Variants in ALS2 observed in about 807,000 individuals in gnomAD.
The protein encoded by ALS2 is alsin Rho guanine nucleotide exchange factor ALS2, also known as alsin.
A neutral mutation model predicts 203.4 loss-of-function variants in ALS2; 117 were observed. That is an observed-to-expected ratio of 0.58 (90% CI 0.50 to 0.67). The LOEUF is 0.67. Ranked by LOEUF, ALS2 falls within the 30% of genes least tolerant of loss-of-function variation. The pLI is 0.00. For synonymous variants in ALS2, 718 were observed against 725.9 expected, an observed-to-expected ratio of 0.99 and a Z score of 0.17; for missense variants, 1,715 against 1,989.4, an observed-to-expected ratio of 0.86 and a Z score of 2.62.
chr2:201,745,425 T>TA (rs1199919531), intron 9 of ALS2, among the ~76,000 whole-genome samples: 93 of 144,656 alleles, frequency 6.4e-4, no homozygotes, highest in South Asian at 2.2e-3. Context: ...ACACAAAGAC[T>TA]AAAAAAAAAA....
rs1482836468 is a variant in ALS2, at chr2:201,757,685, C to T, written c.1188G>A (p.Val396=). ...CACCAACAGCAGATGCACAAGAGAC[C>T]ACCAGGCTGTTTAGGGCTGAGGTGC... ...TTSTSALNSL[V]VSCASAVGVR... The change falls in exon 5 of 34, where the codon GTG becomes GTA. Residue 396 remains valine, a synonymous_variant. Coordinates refer to ENST00000264276, the MANE Select transcript of ALS2 (RefSeq NM_020919.4). The T allele has an allele frequency of 6.2e-7, 1 of 1,613,950 alleles. No homozygotes were observed. Among genetic ancestry groups the T allele is most frequent in the Non-Finnish European group, 8.5e-7 (1 of 1,180,000 alleles).
intron 25 of ALS2, among the ~76,000 whole-genome samples, chr2:201,713,133 CTTTTTTTTT>C (rs35807671): frequency 1.0e-5 from 1 of 96,256 alleles, no homozygotes; most frequent in Admixed American, 1.4e-4. Flanking sequence ...CTTTTCTTTT[CTTTTTTTTT>C]TTTTTTTTTT....
chr2:201,771,378 G>A (rs371375831), intron 1 of ALS2, among the ~76,000 whole-genome samples: 57 of 152,090 alleles, frequency 3.7e-4, no homozygotes, highest in African/African-American at 1.3e-3. Flanking sequence ...TTGTTTTAAT[G>A]GTGTTTAATA....
chr2:201,704,540 C>CT lies in ALS2; in HGVS notation c.4751dup (p.Ser1585GlufsTer16). On this transcript the variant is annotated frameshift_variant, in exon 32 of 34. Transcript: ENST00000264276. LOFTEE classifies it high-confidence loss of function. ...CTTCGTGGAGTGACGCCAGGACACT[C>CT]TGAGAGATCTCCTCAAAAGTCTGCT... 6.2e-7 allele frequency: 1 copy of CT among 1,614,152 alleles called. No homozygotes were observed. Among genetic ancestry groups the CT allele is most frequent in the Non-Finnish European group, 8.5e-7 (1 of 1,180,008 alleles).
At chr2:201,735,706 T>C (rs1291803027) in intron 12 of ALS2, among the ~76,000 whole-genome samples, 3 of 152,192 alleles carry the variant, frequency 2.0e-5, no homozygotes, top group Non-Finnish European at 4.4e-5. Context: ...GTCATCTCAT[T>C]TTTCTGCTCT....
chr2:201,759,951 A>C, intron 4 of ALS2: 1 of 984,366 alleles, frequency 1.0e-6, no homozygotes, highest in Non-Finnish European at 1.2e-6. Context: ...CGGGAACTCA[A>C]ACTTTACCAT....
At chr2:201,777,666 GTTACTA>G (rs1411752706) in intron 1 of ALS2, among the ~76,000 whole-genome samples, 3 of 152,070 alleles carry the variant, frequency 2.0e-5, no homozygotes, top group Non-Finnish European at 2.9e-5. Flanking sequence ...CTCAGAATTA[GTTACTA>G]TTTCTAAAGT....
chr2:201,743,070 CAA>C (rs760707229), intron 10 of ALS2, among the ~76,000 whole-genome samples: 16 of 114,724 alleles, frequency 1.4e-4, no homozygotes, highest in African/African-American at 1.1e-4. Context: ...GACTCTGTCT[CAA>C]AAAAAAAAAA....
chr2:201,721,261 C>G (rs1356846378), intron 23 of ALS2, among the ~76,000 whole-genome samples: 1 of 152,156 alleles, frequency 6.6e-6, no homozygotes, highest in Non-Finnish European at 1.5e-5. Flanking sequence ...AGATTCAATG[C>G]AATCTCTATC....
At chr2:201,719,835 C>T (rs926369902) in intron 23 of ALS2, among the ~76,000 whole-genome samples, 3 of 152,106 alleles carry the variant, frequency 2.0e-5, no homozygotes, top group Non-Finnish European at 2.9e-5. Flanking sequence ...ACTAAGAGAA[C>T]AGCTTTATGC....
intron 3 of ALS2, chr2:201,765,661 A>G (rs990872333): frequency 6.0e-6 from 1 of 166,896 alleles, no homozygotes; most frequent in Non-Finnish European, 1.5e-5. Flanking sequence ...ACAGAGCAGA[A>G]ATTTATAAAT....
chr2:201,744,635 GGTC>G (rs1008299278), intron 9 of ALS2, among the ~76,000 whole-genome samples: 3 of 151,964 alleles, frequency 2.0e-5, no homozygotes, highest in African/African-American at 7.3e-5. Flanking sequence ...TTTTTGGGGG[GGTC>G]GTCGGGGTCG....
chr2:201,715,334 G>A (rs1203636590), intron 25 of ALS2, among the ~76,000 whole-genome samples: 2 of 152,102 alleles, frequency 1.3e-5, no homozygotes, highest in Admixed American at 6.6e-5. Context: ...TTGCTTTCAC[G>A]TTTCAGGCTG....
Position 201,727,777 on chromosome 2 carries a change from T to C in ALS2, c.2842-2A>G, listed in dbSNP as rs2106009582. The C allele has an allele frequency of 1.9e-6, 3 of 1,551,638 alleles. No individual in the cohort carries two copies. Among genetic ancestry groups the C allele is most frequent in the Non-Finnish European group, 2.6e-6 (3 of 1,146,948 alleles). On this transcript the variant is annotated splice_acceptor_variant, in intron 15 of 33. Coordinates refer to ENST00000264276, the MANE Select transcript of ALS2 (RefSeq NM_020919.4). LOFTEE classifies it high-confidence loss of function. Reference sequence around the variant, plus strand: ...AGGGAAAACATGGTGCGTGGAGAACTGAAACAGAGAACACGGAGGCACTTT... The same window carrying C: ...AGGGAAAACATGGTGCGTGGAGAACCGAAACAGAGAACACGGAGGCACTTT...
chr2:201,761,366 C>T lies in ALS2; in HGVS notation c.628G>A (p.Ala210Thr), dbSNP rs200372769. Residue 210 changes from alanine to threonine, a missense_variant, in exon 4 of 34, where the codon GCT becomes ACT. By Grantham distance (58) the Ala-to-Thr change is moderately conservative. Transcript: ENST00000264276. ...GRVVLQVACGAFHSLALVQCL... is the reference protein window; with the variant it reads ...GRVVLQVACGTFHSLALVQCL... The stretch of plus-strand genomic sequence containing the variant: ...TGTACAAGGGCTAAGCTGTGGAAAG[C>T]ACCACAGGCAACTTGAAGCACCACT... 1 of 1,613,100 alleles carries T rather than the reference C, an allele frequency of 6.2e-7. No homozygotes were observed. Among genetic ancestry groups the T allele is most frequent in the Non-Finnish European group, 8.5e-7 (1 of 1,179,084 alleles).
intron 26 of ALS2, 143 bp from the exon 27 acceptor site, chr2:201,710,181 T>TC: frequency 1.1e-6 from 1 of 871,660 alleles, no homozygotes; most frequent in Non-Finnish European, 1.7e-6. Context: ...TCAAATACTT[T>TC]AATTTTTTTG....
intron 3 of ALS2, 133 bp downstream of exon 3, chr2:201,767,096 A>C (rs901833022): frequency 9.8e-7 from 1 of 1,021,018 alleles, no homozygotes; most frequent in Non-Finnish European, 1.4e-6. Context: ...GCATAATAAT[A>C]ATAAAATTTA....
rs766567184 is a variant in ALS2 at position 201,746,592 on chromosome 2, T to C, written c.1972A>G (p.Thr658Ala). Reference protein sequence around the residue: ...NLPENHSGSKTPVLLSCSKLG... With the variant: ...NLPENHSGSKAPVLLSCSKLG... The stretch of plus-strand genomic sequence containing the variant: ...TTACTACAGGAGAGAAGTACTGGAG[T>C]CTTAGAACCACTGTGATTCTCTGGA... The change falls in exon 9 of 34, where the codon ACT becomes GCT. Residue 658 changes from threonine to alanine, a missense_variant. Transcript: ENST00000264276. 5 of 1,613,952 alleles carry C rather than the reference T, an allele frequency of 3.1e-6. No homozygotes were observed. In the East Asian group the frequency reaches 8.9e-5, roughly 29 times the overall value.
chr2:201,730,081 A>C (rs184756991), intron 13 of ALS2, among the ~76,000 whole-genome samples: 1 of 152,294 alleles, frequency 6.6e-6, no homozygotes, highest in African/African-American at 2.4e-5. Context: ...TCTGGAATAG[A>C]GGGAAGCATT....
Sources: allele counts gnomAD v4.1 joint callset (sites outside exome capture counted in the v4.1 genomes callset), GRCh38; gene constraint gnomAD v4.1.1; transcripts MANE v1.5; gene names NCBI Gene and HGNC (gene_info 2026-07-23, HGNC 2026-07-21).